Variants in TRIM37 observed in about 807,000 individuals in gnomAD.
TRIM37 encodes tripartite motif containing 37.
In TRIM37, 80 loss-of-function variants were observed where a neutral mutation model predicts 129.8. The ratio of observed to expected loss-of-function variants is 0.62; its 90% CI spans 0.51 to 0.74. The LOEUF is 0.74. Ranked by LOEUF, TRIM37 falls within the 30% of genes least tolerant of loss-of-function variation. The pLI, the probability that TRIM37 is intolerant of heterozygous loss-of-function variation, is 0.00. For synonymous variants in TRIM37, 389 were observed against 387.1 expected, an observed-to-expected ratio of 1.00 and a Z score of -0.06; for missense variants, 1,054 against 1,176.5, an observed-to-expected ratio of 0.90 and a Z score of 1.52.
rs759816934 is a variant in TRIM37, at chr17:59,106,511, T to A, written c.-50A>T. ...CTGGCGACCCGCAGGCTCCGCAGTCTGACCTCTTAGGCGCCGGCCCGAGGT... is the reference window on the plus strand; with the variant it reads ...CTGGCGACCCGCAGGCTCCGCAGTCAGACCTCTTAGGCGCCGGCCCGAGGT... On this transcript the variant is annotated 5_prime_UTR_variant, in exon 1 of 24. Coordinates refer to ENST00000262294, the MANE Select transcript of TRIM37 (RefSeq NM_015294.6). 1 of 1,611,622 alleles carries A rather than the reference T, an allele frequency of 6.2e-7. No individual in the cohort carries two copies. The highest frequency in any genetic ancestry group is 2.2e-5 in the East Asian group (1 of 44,740).
chr17:59,039,612 T>C (rs1262007564), intron 17 of TRIM37, among the ~76,000 whole-genome samples: 2 of 151,448 alleles, frequency 1.3e-5, no homozygotes, highest in Non-Finnish European at 2.9e-5. Flanking sequence ...CCCAACGTGC[T>C]GGGATTACAG....
At chr17:59,103,804 T>G (rs192127753) in intron 2 of TRIM37, among the ~76,000 whole-genome samples, 1 of 151,990 alleles carries the variant, frequency 6.6e-6, no homozygotes, top group African/African-American at 2.4e-5. Flanking sequence ...CATGCCACCA[T>G]GCCCAGCTAA....
the TRIM37 span, among the ~76,000 whole-genome samples, chr17:58,975,844 ACATT>A: frequency 9.9e-5 from 15 of 152,272 alleles, no homozygotes; most frequent in Admixed American, 9.8e-4. Flanking sequence ...TGGCTGGGAG[ACATT>A]CATACAGTTT....
intron 22 of TRIM37, among the ~76,000 whole-genome samples, chr17:59,002,780 G>GATTTTTAAACA (rs1420572696): frequency 1.3e-5 from 2 of 152,188 alleles, no homozygotes; most frequent in Non-Finnish European, 2.9e-5. Flanking sequence ...GCCCTGGAGA[G>GATTTTTAAACA]CTTCCTGTGA....
chr17:58,976,902 A>G, the TRIM37 span, among the ~76,000 whole-genome samples: 1 of 152,238 alleles, frequency 6.6e-6, no homozygotes, highest in Non-Finnish European at 1.5e-5. Context: ...AAAAAATAAT[A>G]ATGATGATAA....
At chr17:59,090,262 A>T (rs1882090988) in intron 3 of TRIM37, among the ~76,000 whole-genome samples, 1 of 152,190 alleles carries the variant, frequency 6.6e-6, no homozygotes, top group Admixed American at 6.5e-5. Context: ...TCACTTTTTT[A>T]AAAAATGACT....
intron 12 of TRIM37, chr17:59,059,383 AT>A (rs1256659749): frequency 3.3e-5 from 5 of 152,386 alleles, no homozygotes; most frequent in African/African-American, 9.7e-5. Flanking sequence ...CATTAAGTAA[AT>A]AAATAAATTG....
At position 59,089,616 on chromosome 17, in the gene TRIM37, G is replaced by T. The variant is rs527335214; in HGVS notation, c.165-1209C>A. The stretch of plus-strand genomic sequence containing the variant: ...AGATTGCGCCACTGCACCCCAGCCT[G>T]GCGAAAGAGTGAGACTCCATCTCAA... On this transcript the variant is annotated intron_variant, in intron 3 of 23. Transcript: ENST00000262294. Among the ~76,000 whole-genome samples, 4 of 152,254 alleles carry T rather than the reference G, an allele frequency of 2.6e-5. No individual in the cohort carries two copies. In the East Asian group the frequency reaches 7.7e-4, roughly 29 times the overall value.
In TRIM37 at chr17:58,990,706, A is replaced by T. The variant is rs568170338; in HGVS notation, c.2892-7785T>A. 4.7e-5 allele frequency among the ~76,000 whole-genome samples: 7 copies of T among 148,320 alleles called. No homozygotes were observed. The South Asian group carries it at 1.5e-3, about 32-fold the overall frequency. The stretch of plus-strand genomic sequence containing the variant: ...CTCAGGAGGGTGAGGCAGGAGAATC[A>T]CTTGAACCCGGGAGGCAGAGGTTGC... On this transcript the variant is annotated intron_variant, in intron 24 of 24. Transcript: ENST00000393066.
chr17:59,022,184 T>G (rs1444018714), intron 19 of TRIM37, among the ~76,000 whole-genome samples: 2 of 152,128 alleles, frequency 1.3e-5, no homozygotes, highest in Non-Finnish European at 2.9e-5. Context: ...ATAGATCGAT[T>G]TCACTTATGA....
At chr17:59,015,499 C>G (rs1254340832) in intron 21 of TRIM37, 111 bp downstream of exon 21, 3 of 1,148,468 alleles carry the variant, frequency 2.6e-6, no homozygotes, top group Admixed American at 3.7e-5. Flanking sequence ...TTTCTGTCCA[C>G]TAAAAAATTA....
chr17:59,014,283 A>G (rs559753422), intron 21 of TRIM37, among the ~76,000 whole-genome samples: 12 of 152,296 alleles, frequency 7.9e-5, no homozygotes, highest in Admixed American at 6.5e-4. Flanking sequence ...ATCTTTCTCC[A>G]ATTTAGGTAA....
chr17:59,080,960 G>T, intron 6 of TRIM37, 137 bp downstream of exon 6: 1 of 383,578 alleles, frequency 2.6e-6, no homozygotes. Flanking sequence ...TATGGAATTT[G>T]ACTATAGGTA....
chr17:59,073,407 C>T (rs2042548689), intron 8 of TRIM37, among the ~76,000 whole-genome samples: 1 of 152,000 alleles, frequency 6.6e-6, no homozygotes, highest in Non-Finnish European at 1.5e-5. Flanking sequence ...AATTTTCATG[C>T]CTTAGCCTCC....
chr17:59,046,096 T>C (rs2039769216), intron 16 of TRIM37, among the ~76,000 whole-genome samples: 1 of 152,066 alleles, frequency 6.6e-6, no homozygotes, highest in Non-Finnish European at 1.5e-5. Context: ...TTCCTTAAAT[T>C]GCAACTAATG....
chr17:59,099,424 G>T (rs942990222), intron 2 of TRIM37, among the ~76,000 whole-genome samples: 26 of 150,908 alleles, frequency 1.7e-4, no homozygotes, highest in Admixed American at 5.9e-4. Context: ...CAGACTTTCT[G>T]TTTGGGGTGA....
downstream of TRIM37, chr17:58,980,578 G>C: frequency 6.2e-7 from 1 of 1,614,204 alleles, no homozygotes; most frequent in Non-Finnish European, 8.5e-7. The surrounding 1 kb of genome is among the most constrained non-coding windows in gnomAD (Gnocchi z 4.7). Context: ...TTATTAATGA[G>C]TTAATGATGG....
chr17:59,102,422 A>G (rs1419402272), intron 2 of TRIM37, among the ~76,000 whole-genome samples: 1 of 152,214 alleles, frequency 6.6e-6, no homozygotes, highest in Non-Finnish European at 1.5e-5. Context: ...ACGGAGTCCA[A>G]TTACTTAATT....
intron 21 of TRIM37, among the ~76,000 whole-genome samples, chr17:59,013,890 T>G (rs1481989042): frequency 6.6e-6 from 1 of 151,770 alleles, no homozygotes; most frequent in Admixed American, 6.6e-5. Flanking sequence ...AAAAAAGACA[T>G]GAGCTGGACA....
Sources: gnomAD v4.1 joint callset for allele counts (sites outside exome capture counted in the v4.1 genomes callset) on GRCh38, gnomAD v4.1.1 for gene constraint, Gnocchi (gnomAD v3.1) non-coding constraint, MANE v1.5 for transcripts, NCBI Gene and HGNC (gene_info 2026-07-23, HGNC 2026-07-21) for gene names.